The following UROS variants were observed in gnomAD, a reference collection of about 807,000 sequenced individuals.
UROS encodes the protein uroporphyrinogen-III synthase.
In UROS, 18 loss-of-function variants were observed where a neutral mutation model predicts 33.0. That is an observed-to-expected ratio of 0.55 (90% CI 0.38 to 0.81). UROS has a LOEUF of 0.81. Ranked by LOEUF, UROS falls within the 30% of genes least tolerant of loss-of-function variation. UROS has a pLI of 0.00. For missense variants in UROS, 293 were observed against 314.9 expected (o/e 0.93, Z 0.53); for synonymous variants, 114 against 121.1 (o/e 0.94, Z 0.38).
chr10:125,789,248 G>C, intron 9 of UROS: 1 of 1,424,356 alleles, frequency 7.0e-7, no homozygotes. Context: ...CTCAGGTGAG[G>C]GGCAGGGACT....
intron 9 of UROS, chr10:125,792,680 T>G (rs1851031630): frequency 1.3e-5 from 2 of 152,252 alleles, no homozygotes; most frequent in South Asian, 4.1e-4. Context: ...TCACCCCCTT[T>G]GATCTTTTGT....
intron 6 of UROS, among the ~76,000 whole-genome samples, chr10:125,803,572 C>A (rs1422859129): frequency 6.6e-6 from 1 of 152,218 alleles, no homozygotes; most frequent in African/African-American, 2.4e-5. Flanking sequence ...GGTCCTAATC[C>A]AGTGACTGCC....
intron 6 of UROS, among the ~76,000 whole-genome samples, chr10:125,800,745 G>A (rs543359818): frequency 2.2e-4 from 33 of 151,968 alleles, no homozygotes; most frequent in Non-Finnish European, 3.8e-4. Flanking sequence ...ATTTTTAGTA[G>A]AGATGGGGTT....
At chr10:125,819,223 C>T (rs893152102) in intron 1 of UROS, among the ~76,000 whole-genome samples, 6 of 152,172 alleles carry the variant, frequency 3.9e-5, no homozygotes, top group African/African-American at 1.2e-4. Context: ...ACCTCGTGAT[C>T]CGGCTGCCTT....
chr10:125,793,790 C>A (rs537267435), intron 9 of UROS: 1 of 152,122 alleles, frequency 6.6e-6, no homozygotes, highest in African/African-American at 2.4e-5. Flanking sequence ...TCAGGTGATC[C>A]GCCTGAGGCC....
chr10:125,816,761 T>C, intron 1 of UROS: 1 of 570,058 alleles, frequency 1.8e-6, no homozygotes, highest in Non-Finnish European at 3.1e-6. Flanking sequence ...GATGAAACCA[T>C]TAGTGAAAGC....
intron 6 of UROS, among the ~76,000 whole-genome samples, chr10:125,806,978 C>CA (rs1208029250): frequency 6.6e-6 from 1 of 152,182 alleles, no homozygotes; most frequent in Non-Finnish European, 1.5e-5. Flanking sequence ...TCCAAGTCCA[C>CA]AGGCAGCCCA....
chr10:125,802,708 C>A, intron 6 of UROS: 9 of 1,350,164 alleles, frequency 6.7e-6, no homozygotes, highest in Non-Finnish European at 8.6e-6. Context: ...ATGAAACATT[C>A]TAGAGAAAGC....
intron 6 of UROS, among the ~76,000 whole-genome samples, chr10:125,805,238 C>T (rs959043248): frequency 6.6e-6 from 1 of 152,184 alleles, no homozygotes; most frequent in Non-Finnish European, 1.5e-5. Flanking sequence ...TAAGCCTCTG[C>T]CCACCAGATT....
intron 1 of UROS, among the ~76,000 whole-genome samples, chr10:125,820,064 G>C (rs2133972897): frequency 6.6e-6 from 1 of 152,176 alleles, no homozygotes; most frequent in South Asian, 2.1e-4. Context: ...TGGTGTTCTG[G>C]GTATCAGCAA....
intron 5 of UROS, 75 bp from the exon 6 acceptor site, chr10:125,807,562 T>A: frequency 8.7e-7 from 1 of 1,152,156 alleles, no homozygotes; most frequent in Non-Finnish European, 1.3e-6. Flanking sequence ...TTTTTTAACG[T>A]GCAAATACAC....
chr10:125,823,238 C>T lies in UROS; in HGVS notation c.-236G>A, dbSNP rs888529950. 10 of 254,012 alleles carry T rather than the reference C, an allele frequency of 3.9e-5. No homozygotes were observed. Among genetic ancestry groups the T allele is most frequent in the African/African-American group, 1.6e-4 (7 of 44,662 alleles). 15.7% of individuals were successfully genotyped at this position (254,012 alleles called of 1,614,324 possible). ...CTGGGGTCGCGTGGGTGGCTGCGCG[C>T]AGCTAGGCGCTCGCGCATGCGCACC... On this transcript the variant is annotated 5_prime_UTR_variant, in exon 1 of 10. Transcript: ENST00000368797.
At position 125,817,224 on chromosome 10, in the gene UROS, A is replaced by ATTTT. The variant is rs11431196; in HGVS notation, c.-26-703_-26-700dup. On this transcript the variant is annotated intron_variant, in intron 1 of 9. Transcript: ENST00000368797. ...CGGGAAGCTTCTTGTTTATAGATGT[A>ATTTT]TTTTTTTTTTTTTTTTTTTTTTTTT... is the stretch of plus-strand genomic sequence containing the variant. Among the ~76,000 whole-genome samples the ATTTT allele has an allele frequency of 4.5e-4, 33 of 74,082 alleles. 6 individuals carry two copies. Among genetic ancestry groups the ATTTT allele is most frequent in the East Asian group, 2.2e-3 (5 of 2,230 alleles). 48.6% of individuals were successfully genotyped at this position (74,082 alleles called of 152,430 possible).
Position 125,796,165 on chromosome 10 carries a change from C to T in UROS, c.499G>A (p.Val167Met). ...CCTGGGTGTGCAACTGTCTGATACA[C>T]AGTTATGCTTTCCATGGCAATCCCT... is the stretch of plus-strand genomic sequence containing the variant. The part of the protein sequence containing the change: ...DKGIAMESIT[V>M]YQTVAHPGIQ... The change falls in exon 8 of 10, where the codon GTG (valine) becomes ATG (methionine). Residue 167 changes from valine to methionine, a missense_variant. Coordinates refer to ENST00000368797, the MANE Select transcript of UROS (RefSeq NM_000375.3). The T allele has an allele frequency of 2.5e-6, 4 of 1,614,182 alleles. No individual in the cohort carries two copies. The highest frequency in any genetic ancestry group is 2.5e-6 in the Non-Finnish European group (3 of 1,180,040).
chr10:125,818,773 C>T (rs1202152128), intron 1 of UROS, among the ~76,000 whole-genome samples: 1 of 152,080 alleles, frequency 6.6e-6, no homozygotes, highest in Non-Finnish European at 1.5e-5. Flanking sequence ...GTGAGCCTCT[C>T]CATTGTTGGC....
intron 6 of UROS, among the ~76,000 whole-genome samples, chr10:125,804,179 C>G (rs890323453): frequency 1.3e-5 from 2 of 152,184 alleles, no homozygotes; most frequent in African/African-American, 2.4e-5. Context: ...CACAGAGGAT[C>G]ACAACCATGT....
downstream of UROS, among the ~76,000 whole-genome samples, chr10:125,786,242 A>G (rs975566678): frequency 3.9e-5 from 6 of 151,994 alleles, no homozygotes; most frequent in Non-Finnish European, 7.4e-5. Flanking sequence ...CAGATTTCCA[A>G]GGCCTTTCTA....
chr10:125,804,369 T>G (rs963126477), intron 6 of UROS, among the ~76,000 whole-genome samples: 4 of 152,232 alleles, frequency 2.6e-5, no homozygotes, highest in Non-Finnish European at 5.9e-5. Flanking sequence ...GAAGCTCCTG[T>G]GTACTCAGGA....
intron 5 of UROS, among the ~76,000 whole-genome samples, chr10:125,809,740 A>T (rs1363986367): frequency 6.6e-6 from 1 of 151,954 alleles, no homozygotes; most frequent in Non-Finnish European, 1.5e-5. Flanking sequence ...ATTTATTTTC[A>T]AATAAATAGA....
Sources: allele counts gnomAD v4.1 joint callset (sites outside exome capture counted in the v4.1 genomes callset), GRCh38; gene constraint gnomAD v4.1.1; transcripts MANE v1.5; gene names NCBI Gene and HGNC (gene_info 2026-07-23, HGNC 2026-07-21).